Variants in ATRNL1 observed in about 807,000 individuals in gnomAD.
The protein encoded by ATRNL1 is attractin like 1.
ATRNL1 carries 95 observed loss-of-function variants against 182.7 expected under a neutral mutation model. The ratio of observed to expected loss-of-function variants is 0.52; its 90% CI spans 0.44 to 0.62. The LOEUF (loss-of-function observed/expected upper bound fraction) is 0.62. ATRNL1 is among the 20% of genes least tolerant of loss of function. The probability of loss-of-function intolerance (pLI) is 0.00; values close to 1 mark genes in which losing one functional copy is unlikely to be tolerated. For synonymous variants in ATRNL1, 576 were observed against 568.3 expected (o/e 1.01, Z -0.19); for missense variants, 1,471 against 1,679.5 (o/e 0.88, Z 2.17).
At chr10:115,743,230 T>C (rs1457919426) in intron 27 of ATRNL1, among the ~76,000 whole-genome samples, 2 of 86,344 alleles carry the variant, frequency 2.3e-5, no homozygotes, top group Non-Finnish European at 2.2e-5. Context: ...GCTTCCTATC[T>C]CTTATAGTAA....
intron 28 of ATRNL1, among the ~76,000 whole-genome samples, chr10:115,864,983 A>C (rs1168657502): frequency 2.0e-5 from 3 of 150,400 alleles, no homozygotes; most frequent in Non-Finnish European, 1.5e-5. Flanking sequence ...CTCCGTCTAA[A>C]AAAAAAAAAA....
intron 25 of ATRNL1, among the ~76,000 whole-genome samples, chr10:115,535,540 G>T (rs12359214): frequency 0.41 from 62,583 of 151,060 alleles, 13,518 homozygotes; most frequent in Middle Eastern, 0.52. Context: ...CAACTTCTTT[G>T]CCTTTGGTTT....
chr10:115,487,403 CTG>C (rs1429839804), intron 24 of ATRNL1, among the ~76,000 whole-genome samples: 1 of 152,086 alleles, frequency 6.6e-6, no homozygotes, highest in African/African-American at 2.4e-5. Context: ...TGTTTGTGTC[CTG>C]TCTTATTTCC....
intron 26 of ATRNL1, among the ~76,000 whole-genome samples, chr10:115,638,196 T>G (rs1859011406): frequency 6.6e-6 from 1 of 152,122 alleles, no homozygotes; most frequent in Non-Finnish European, 1.5e-5. Flanking sequence ...CTTTTCTATA[T>G]TTAGATATGT....
At chr10:115,259,046 G>C (rs1474641360) in intron 10 of ATRNL1, among the ~76,000 whole-genome samples, 1 of 152,196 alleles carries the variant, frequency 6.6e-6, no homozygotes, top group East Asian at 1.9e-4. Flanking sequence ...CCTACTGAGA[G>C]GTTTCTGCCA....
chr10:115,296,035 T>C (rs551464527), intron 15 of ATRNL1, among the ~76,000 whole-genome samples: 5 of 152,258 alleles, frequency 3.3e-5, no homozygotes, highest in African/African-American at 1.2e-4. Flanking sequence ...TTGAGGGCAA[T>C]GCAGCTGAGG....
intron 25 of ATRNL1, among the ~76,000 whole-genome samples, chr10:115,537,163 T>G (rs1423777682): frequency 1.3e-5 from 2 of 152,202 alleles, no homozygotes; most frequent in Non-Finnish European, 2.9e-5. Flanking sequence ...AAATATTTAA[T>G]GCGGTGGGAG....
intron 8 of ATRNL1, among the ~76,000 whole-genome samples, chr10:115,176,240 C>T (rs532305576): frequency 1.3e-5 from 2 of 152,122 alleles, no homozygotes; most frequent in East Asian, 3.9e-4. Context: ...CAAAAATTTT[C>T]TTCCATTCTG....
chr10:115,732,409 G>T (rs1947826074), intron 27 of ATRNL1, among the ~76,000 whole-genome samples: 3 of 152,150 alleles, frequency 2.0e-5, no homozygotes. Context: ...ATCTAAAAGT[G>T]TGAGTCATCC....
At chr10:115,873,441 C>G (rs988114891) in intron 28 of ATRNL1, among the ~76,000 whole-genome samples, 3 of 152,178 alleles carry the variant, frequency 2.0e-5, no homozygotes, top group Non-Finnish European at 4.4e-5. Context: ...AAGAGTTATG[C>G]CTTTTTGTCT....
chr10:115,629,933 G>A (rs534746171), intron 26 of ATRNL1, among the ~76,000 whole-genome samples: 2 of 152,210 alleles, frequency 1.3e-5, no homozygotes, highest in Middle Eastern at 3.4e-3. Context: ...GTAGTAGTTA[G>A]CTAATAAGAA....
chr10:115,535,327 A>C, intron 25 of ATRNL1, among the ~76,000 whole-genome samples: 1 of 151,716 alleles, frequency 6.6e-6, no homozygotes, highest in African/African-American at 2.4e-5. Flanking sequence ...TTTTTTCTCT[A>C]AACTTCCCTT....
chr10:115,760,975 ATCCATGGGAGG>A (rs2134144136), intron 27 of ATRNL1, among the ~76,000 whole-genome samples: 1 of 152,302 alleles, frequency 6.6e-6, no homozygotes, highest in South Asian at 2.1e-4. Flanking sequence ...AAGAGAAATG[ATCCATGGGAGG>A]TCTCCTAAGG....
chr10:115,913,346 C>G (rs1480312686), intron 28 of ATRNL1, among the ~76,000 whole-genome samples: 1 of 152,120 alleles, frequency 6.6e-6, no homozygotes, highest in African/African-American at 2.4e-5. Context: ...AAAAATCACC[C>G]AGACCCCTGC....
chr10:115,573,304 ATTC>A (rs1276550715), intron 26 of ATRNL1, among the ~76,000 whole-genome samples: 53 of 152,208 alleles, frequency 3.5e-4, no homozygotes, highest in African/African-American at 1.3e-3. Flanking sequence ...CCCCAGCCAA[ATTC>A]TTCTCAGTGT....
intron 8 of ATRNL1, among the ~76,000 whole-genome samples, chr10:115,172,924 G>A (rs1847351433): frequency 6.6e-6 from 1 of 150,998 alleles, no homozygotes; most frequent in Non-Finnish European, 1.5e-5. Flanking sequence ...AATGACATCT[G>A]GAACTTCTGC....
chr10:115,292,629 A>G (rs1395681170), intron 15 of ATRNL1, among the ~76,000 whole-genome samples: 1 of 151,976 alleles, frequency 6.6e-6, no homozygotes, highest in Admixed American at 6.6e-5. Flanking sequence ...CCCAGTGTTG[A>G]GGACTATATT....
chr10:115,528,144 C>T (rs1239170717), intron 25 of ATRNL1, among the ~76,000 whole-genome samples: 1 of 151,416 alleles, frequency 6.6e-6, no homozygotes, highest in Admixed American at 6.6e-5. Flanking sequence ...ATGCTGGTCT[C>T]ATAGAATGAT....
At chr10:115,754,628 A>T (rs1555071477) in intron 27 of ATRNL1, among the ~76,000 whole-genome samples, 1 of 151,862 alleles carries the variant, frequency 6.6e-6, no homozygotes. Flanking sequence ...GTTCTTTTTG[A>T]CTAGGATTGT....
Sources: allele counts gnomAD v4.1 joint callset (sites outside exome capture counted in the v4.1 genomes callset), GRCh38; gene constraint gnomAD v4.1.1; transcripts MANE v1.5; gene names NCBI Gene and HGNC (gene_info 2026-07-23, HGNC 2026-07-21).